Variants in SP4 observed in about 807,000 individuals in gnomAD.
The protein encoded by SP4 is transcription factor Sp4.
Under a neutral mutation model 72.8 loss-of-function variants are expected in SP4, and 19 were observed. That is an observed-to-expected ratio of 0.26 (90% confidence interval 0.18 to 0.38). The LOEUF (loss-of-function observed/expected upper bound fraction) is 0.38, where lower values mean the gene tolerates loss of function less well. SP4 is among the 10% of genes least tolerant of loss of function. The pLI is 1.00. For synonymous variants in SP4, 395 were observed against 333.1 expected, an observed-to-expected ratio of 1.19 and a Z score of -2.02; for missense variants, 1,008 against 926.3, an observed-to-expected ratio of 1.09 and a Z score of -1.14.
intron 3 of SP4, among the ~76,000 whole-genome samples, chr7:21,442,332 G>T (rs939098788): frequency 2.0e-5 from 3 of 152,044 alleles, no homozygotes; most frequent in Admixed American, 2.0e-4. Flanking sequence ...AAGCCACCAC[G>T]CCTGGGCCCA....
At chr7:21,477,761 G>A (rs550147728) in intron 4 of SP4, among the ~76,000 whole-genome samples, 119 of 152,174 alleles carry the variant, frequency 7.8e-4, no homozygotes, top group African/African-American at 2.7e-3. Flanking sequence ...GGCTGGTCTC[G>A]AACTCCTGAC....
At chr7:21,491,649 GAGA>G (rs1456023447) in intron 5 of SP4, among the ~76,000 whole-genome samples, 1 of 152,168 alleles carries the variant, frequency 6.6e-6, no homozygotes, top group Non-Finnish European at 1.5e-5. Context: ...GAAGCCAGAA[GAGA>G]AGGACACATT....
At chr7:21,471,938 A>C (rs747372637) in intron 3 of SP4, among the ~76,000 whole-genome samples, 2 of 152,242 alleles carry the variant, frequency 1.3e-5, no homozygotes, top group Non-Finnish European at 2.9e-5. Context: ...ATATAAAACA[A>C]TAGTTGCTCT....
chr7:21,508,305 A>T (rs1782056858), intron 5 of SP4, among the ~76,000 whole-genome samples: 1 of 152,138 alleles, frequency 6.6e-6, no homozygotes, highest in Non-Finnish European at 1.5e-5. Context: ...TGGAAGCGAG[A>T]CTTTTAATGG....
intron 5 of SP4, among the ~76,000 whole-genome samples, chr7:21,505,485 C>T (rs979413412): frequency 2.6e-5 from 4 of 152,112 alleles, no homozygotes; most frequent in Non-Finnish European, 4.4e-5. Flanking sequence ...TGACCAAATA[C>T]GTTTGGGGCT....
At chr7:21,454,531 C>G (rs186095606) in intron 3 of SP4, among the ~76,000 whole-genome samples, 46 of 152,258 alleles carry the variant, frequency 3.0e-4, no homozygotes, top group African/African-American at 1.1e-3. Flanking sequence ...AAAAATACCT[C>G]TTTACCTTTA....
chr7:21,430,250 C>A lies in SP4; in HGVS notation c.1085C>A (p.Ser362Tyr). The A allele has an allele frequency of 6.2e-7, 1 of 1,614,238 alleles. No homozygotes were observed. The highest frequency in any genetic ancestry group is 8.5e-7 in the Non-Finnish European group (1 of 1,180,054). ...AGTTCTGAACGCACCATTGAAGAATCTCAAACACCTGCTGCTACTGAGTCT... is the reference window on the plus strand; with the variant it reads ...AGTTCTGAACGCACCATTGAAGAATATCAAACACCTGCTGCTACTGAGTCT... The part of the protein sequence containing the change: ...ASSSERTIEE[S>Y]QTPAATESEA... The change falls in exon 3 of 6, where the codon TCT becomes TAT. Residue 362 changes from serine to tyrosine, a missense_variant. Ser to Tyr is a moderately radical substitution (Grantham distance 144). Transcript: ENST00000222584.
chr7:21,428,198 C>CCCCCCCCCCCCCA lies in SP4; in HGVS notation c.-53_-52insCCCCCCCCCCCAC. ...CTCTCCTCCCGCCTCGCCCCCACCC[C>CCCCCCCCCCCCCA]CACCCACCTCTATCCCAGTGTCTCC... On this transcript the variant is annotated 5_prime_UTR_variant, in exon 1 of 6. Transcript: ENST00000222584. 6 of 1,099,422 alleles carry CCCCCCCCCCCCCA rather than the reference C, an allele frequency of 5.5e-6. No homozygotes were observed. The highest frequency in any genetic ancestry group is 3.0e-5 in the East Asian group (1 of 33,664). The allele number at this position is 1,099,422 out of a possible 1,614,324, so 68.1% of individuals were successfully genotyped here. A position where few individuals can be genotyped will look rare whatever the true frequency, so the allele number is the denominator to read the frequency against.
intron 3 of SP4, among the ~76,000 whole-genome samples, chr7:21,434,357 C>T (rs1183165745): frequency 6.6e-6 from 1 of 152,094 alleles, no homozygotes; most frequent in Non-Finnish European, 1.5e-5. Context: ...CTAATGAAAC[C>T]AGTACTTGAA....
At position 21,429,438 on chromosome 7, in the gene SP4, A is replaced by C. The variant is rs752145559; in HGVS notation, c.273A>C (p.Glu91Asp). The C allele has an allele frequency of 5.0e-6, 8 of 1,614,200 alleles. No individual in the cohort carries two copies. The highest frequency in any genetic ancestry group is 6.8e-6 in the Non-Finnish European group (8 of 1,180,022). ...VQLQNQPQQL[E>D]LVTTQLAGNA... is the part of the protein sequence containing the mutation. ...TTCAAAATCAACCACAACAGCTAGA[A>C]CTGGTAACAACGCAACTTGCTGGAA... Residue 91 changes from glutamate to aspartate, a missense_variant, in exon 3 of 6, where the codon GAA (glutamate) becomes GAC (aspartate). Glu to Asp is a conservative substitution (Grantham distance 45). This residue lies in a region of SP4 where 893 missense variants were observed against 743.3 expected (regional missense o/e 1.20). Coordinates refer to ENST00000222584, the MANE Select transcript of SP4 (RefSeq NM_003112.5).
At chr7:21,463,901 C>G (rs1405818926) in intron 3 of SP4, among the ~76,000 whole-genome samples, 3 of 152,126 alleles carry the variant, frequency 2.0e-5, no homozygotes, top group African/African-American at 7.2e-5. Context: ...AGGTTCAAGT[C>G]TTAGTTTAGC....
chr7:21,475,807 G>A lies in SP4; in HGVS notation c.1679-1272G>A, dbSNP rs891930950. On this transcript the variant is annotated intron_variant, in intron 3 of 5. Transcript: ENST00000222584. ...TAGCTACCATGTAATGAGCAATTCC[G>A]TGCCAGCACTCTGGTAGAGGATTTG... 5.3e-5 allele frequency among the ~76,000 whole-genome samples: 8 copies of A among 152,140 alleles called. 1 individual carries two copies. The South Asian group carries it at 6.2e-4, about 12-fold the overall frequency.
At chr7:21,509,794 T>G (rs1044376337) in intron 5 of SP4, among the ~76,000 whole-genome samples, 2 of 152,212 alleles carry the variant, frequency 1.3e-5, no homozygotes, top group Admixed American at 1.3e-4. Flanking sequence ...GAAAAGAAAT[T>G]ATCCAAATTG....
chr7:21,473,061 G>A (rs1348281259), intron 3 of SP4, among the ~76,000 whole-genome samples: 3 of 152,194 alleles, frequency 2.0e-5, no homozygotes, highest in African/African-American at 4.8e-5. Context: ...TATTGAGCAC[G>A]AAAGTGAGAT....
At chr7:21,449,247 G>A (rs1056741814) in intron 3 of SP4, among the ~76,000 whole-genome samples, 7 of 152,186 alleles carry the variant, frequency 4.6e-5, no homozygotes, top group African/African-American at 1.2e-4. Context: ...CCACAATAAA[G>A]GATCTCGCCA....
chr7:21,444,231 C>T (rs1473969685), intron 3 of SP4, among the ~76,000 whole-genome samples: 1 of 152,152 alleles, frequency 6.6e-6, no homozygotes, highest in African/African-American at 2.4e-5. Context: ...GACTGAACTC[C>T]TGCTTCCATA....
chr7:21,459,667 G>C (rs559506720), intron 3 of SP4, among the ~76,000 whole-genome samples: 1 of 152,304 alleles, frequency 6.6e-6, no homozygotes, highest in East Asian at 1.9e-4. Context: ...ACCTGATTCT[G>C]TGATTGCCTT....
intron 5 of SP4, among the ~76,000 whole-genome samples, chr7:21,505,751 A>G (rs922569622): frequency 7.9e-5 from 12 of 152,204 alleles, no homozygotes; most frequent in Non-Finnish European, 2.9e-5. Context: ...GTAGCAATCT[A>G]TACAACCCAT....
intron 5 of SP4, among the ~76,000 whole-genome samples, chr7:21,506,795 A>T (rs1235275916): frequency 2.6e-5 from 4 of 152,130 alleles, no homozygotes; most frequent in Non-Finnish European, 5.9e-5. Context: ...GCATTTTCTC[A>T]TCTGATCTCT....
Sources: gnomAD v4.1 joint callset for allele counts (sites outside exome capture counted in the v4.1 genomes callset) on GRCh38, gnomAD v4.1.1 for gene constraint, gnomAD v4.1.1 regional missense constraint, MANE v1.5 for transcripts, NCBI Gene and HGNC (gene_info 2026-07-23, HGNC 2026-07-21) for gene names.